Variants in RIF1 observed in about 807,000 individuals in gnomAD.
RIF1 encodes the protein replication timing regulatory factor 1.
In RIF1, 45 loss-of-function variants were observed where a neutral mutation model predicts 247.1. That is an observed-to-expected ratio of 0.18 (90% CI 0.14 to 0.23). The LOEUF (loss-of-function observed/expected upper bound fraction) is 0.23, where lower values mean the gene tolerates loss of function less well. Among genes scored for constraint, RIF1 ranks in the 10% least tolerant of loss-of-function variants. RIF1 has a pLI of 1.00. For synonymous variants in RIF1, 1,087 were observed against 978.8 expected (o/e 1.11, Z -2.06); for missense variants, 2,967 against 2,862.5 (o/e 1.04, Z -0.83).
intron 19 of RIF1, 89 bp from the exon 20 acceptor site, chr2:151,446,337 T>C (rs958933337): frequency 4.7e-6 from 6 of 1,277,426 alleles, no homozygotes; most frequent in Middle Eastern, 4.2e-4. Flanking sequence ...TTGCAGTGTT[T>C]TTAAAAAATG....
intron 33 of RIF1, among the ~76,000 whole-genome samples, chr2:151,469,047 T>C: frequency 6.6e-6 from 1 of 152,192 alleles, no homozygotes; most frequent in East Asian, 1.9e-4. Context: ...TCATTTCTAC[T>C]TTATAGGATG....
At chr2:151,513,935 T>C in the RIF1 span, among the ~76,000 whole-genome samples, 2 of 152,224 alleles carry the variant, frequency 1.3e-5, no homozygotes, top group African/African-American at 4.8e-5. Flanking sequence ...TGAATACTTT[T>C]AGCATTCTCT....
At chr2:151,417,537 T>G (rs1473267957) in intron 6 of RIF1, among the ~76,000 whole-genome samples, 1 of 152,204 alleles carries the variant, frequency 6.6e-6, no homozygotes, top group East Asian at 1.9e-4. Context: ...CATCCTTGGA[T>G]TCAACCAATT....
chr2:151,438,016 CAT>C (rs1171691074), intron 13 of RIF1, among the ~76,000 whole-genome samples: 1 of 152,166 alleles, frequency 6.6e-6, no homozygotes, highest in Non-Finnish European at 1.5e-5. Context: ...CAATGAATCA[CAT>C]AAATTTTTTC....
the RIF1 span, chr2:151,530,974 T>C: frequency 1.3e-6 from 2 of 1,554,440 alleles, no homozygotes; most frequent in Non-Finnish European, 1.8e-6. Flanking sequence ...GAGGGACTGC[T>C]AAACCATTCT....
Position 151,424,825 on chromosome 2 carries a change from ATTTTTTTTTTTTTTT to A in RIF1, c.786+1800_786+1814del, listed in dbSNP as rs71000475. Among the ~76,000 whole-genome samples, 244 of 47,296 alleles carry A rather than the reference ATTTTTTTTTTTTTTT, an allele frequency of 5.2e-3. 1 individual carries two copies. Among genetic ancestry groups the A allele is most frequent in the African/African-American group, 0.017 (216 of 12,484 alleles). The allele number at this position is 47,296 out of a possible 152,430, so 31.0% of individuals were successfully genotyped here. On this transcript the variant is annotated intron_variant, in intron 8 of 35. Coordinates refer to ENST00000444746, the MANE Select transcript of RIF1 (RefSeq NM_018151.5). ...CTGGGACTACCACCCAGCCCGGCTG[ATTTTTTTTTTTTTTT>A]TTTTTTTTTTTTTTTTCCATATTTT...
At chr2:151,458,952 T>A in intron 25 of RIF1, 42 bp downstream of exon 25, 1 of 1,240,354 alleles carries the variant, frequency 8.1e-7, no homozygotes, top group Non-Finnish European at 1.2e-6. Flanking sequence ...TTTGGACATT[T>A]AAGTTATTTG....
chr2:151,501,359 A>G (rs1441107507), intron 11 of RIF1: 42 of 1,326,928 alleles, frequency 3.2e-5, no homozygotes, highest in Non-Finnish European at 4.2e-5. Context: ...ATTATTTTTT[A>G]ATATGGAGTT....
At chr2:151,470,182 C>A (rs77304784) in intron 34 of RIF1, among the ~76,000 whole-genome samples, 1,660 of 150,654 alleles carry the variant, frequency 0.011, 35 homozygotes, top group African/African-American at 0.037. Flanking sequence ...TGGATGCCTA[C>A]CACATTTGTG....
rs1368769603 is a variant in RIF1, at chr2:151,420,389, C to G, written c.693+10C>G. 4 of 1,612,418 alleles carry G rather than the reference C, an allele frequency of 2.5e-6. No homozygotes were observed. The highest frequency in any genetic ancestry group is 3.4e-6 in the Non-Finnish European group (4 of 1,178,760). On this transcript the variant is annotated intron_variant, in intron 7 of 35. Transcript: ENST00000444746. Reference sequence around the variant, plus strand: ...GCAGCTTATGACTACTGTGAGTGTTCTTTTATGTAAGAATTTTCTGGATAC... The same window carrying G: ...GCAGCTTATGACTACTGTGAGTGTTGTTTTATGTAAGAATTTTCTGGATAC...
At chr2:151,533,681 A>C in the RIF1 span, 1 of 611,650 alleles carries the variant, frequency 1.6e-6, no homozygotes, top group Non-Finnish European at 2.9e-6. Flanking sequence ...GTGCGGGTGA[A>C]GACATCAAAT....
At chr2:151,424,825 A>ATTTTTTTTTTTTTT (rs71000475) in intron 8 of RIF1, among the ~76,000 whole-genome samples, 2 of 47,272 alleles carry the variant, frequency 4.2e-5, no homozygotes, top group African/African-American at 8.0e-5. Context: ...AGCCCGGCTG[A>ATTTTTTTTTTTTTT]TTTTTTTTTT....
intron 10 of RIF1, chr2:151,496,907 A>T: frequency 6.6e-7 from 1 of 1,505,176 alleles, no homozygotes; most frequent in Non-Finnish European, 9.0e-7. Context: ...TTTTAAAATC[A>T]GTAAGTAGTT....
chr2:151,439,222 C>A (rs1691795032), intron 14 of RIF1, among the ~76,000 whole-genome samples: 1 of 152,116 alleles, frequency 6.6e-6, no homozygotes, highest in South Asian at 2.1e-4. Context: ...CTTGCTGTTT[C>A]CGGGATGGAA....
At chr2:151,483,086 G>T (rs1404945815), downstream of RIF1, 2 of 107,848 alleles carry the variant, frequency 1.9e-5, no homozygotes, top group Non-Finnish European at 3.4e-5. Flanking sequence ...GGCCTTGGGG[G>T]TTAGGACTTA....
intron 20 of RIF1, among the ~76,000 whole-genome samples, chr2:151,448,335 C>T (rs1159535904): frequency 1.3e-5 from 2 of 152,086 alleles, no homozygotes; most frequent in Non-Finnish European, 2.9e-5. Context: ...TGAGCCGCCG[C>T]GCCCAGCCAA....
intron 30 of RIF1, among the ~76,000 whole-genome samples, chr2:151,466,515 C>T (rs545148668): frequency 2.0e-4 from 30 of 151,918 alleles, no homozygotes; most frequent in Admixed American, 4.6e-4. Flanking sequence ...TGCTGTTTTA[C>T]GTTTTACATA....
chr2:151,411,974 G>A (rs1416181280), intron 3 of RIF1, among the ~76,000 whole-genome samples: 1 of 152,222 alleles, frequency 6.6e-6, no homozygotes. Context: ...AGAGATCAGA[G>A]ATTAATCTGT....
At chr2:151,534,394 T>A in the RIF1 span, 1 of 1,238,716 alleles carries the variant, frequency 8.1e-7, no homozygotes, top group Non-Finnish European at 1.2e-6. Context: ...AGGTAAACAC[T>A]CCAGAGGGCC....
Sources: gnomAD v4.1 joint callset for allele counts (sites outside exome capture counted in the v4.1 genomes callset) on GRCh38, gnomAD v4.1.1 for gene constraint, MANE v1.5 for transcripts, NCBI Gene and HGNC (gene_info 2026-07-23, HGNC 2026-07-21) for gene names.